The following SP140 variants were observed in gnomAD, a reference collection of about 807,000 sequenced individuals.
SP140 encodes SP140 nuclear body protein.
A neutral mutation model predicts 125.0 loss-of-function variants in SP140; 81 were observed. The ratio of observed to expected loss-of-function variants is 0.65; its 90% confidence interval spans 0.54 to 0.78. The LOEUF (loss-of-function observed/expected upper bound fraction) is 0.78, where lower values mean the gene tolerates loss of function less well. SP140 is among the 30% of genes least tolerant of loss of function. The pLI is 0.00. For missense variants in SP140, 858 were observed against 1,037.0 expected (o/e 0.83, Z 2.37); for synonymous variants, 312 against 354.0 (o/e 0.88, Z 1.33).
downstream of SP140, among the ~76,000 whole-genome samples, chr2:230,314,745 A>G (rs933956): frequency 0.77 from 116,820 of 152,154 alleles, 45,557 homozygotes; most frequent in African/African-American, 0.87. Flanking sequence ...TCCTAAGGGG[A>G]ACACTACTAA....
chr2:230,300,000 C>A (rs2058138652), intron 22 of SP140, among the ~76,000 whole-genome samples: 1 of 152,180 alleles, frequency 6.6e-6, no homozygotes, highest in Admixed American at 6.5e-5. Context: ...ACCCTGCCCC[C>A]AGCTGATGGT....
chr2:230,277,113 T>C (rs2054823663), intron 15 of SP140, among the ~76,000 whole-genome samples: 1 of 152,170 alleles, frequency 6.6e-6, no homozygotes, highest in South Asian at 2.1e-4. Flanking sequence ...CAGCAAGATT[T>C]GAGAGGATCT....
intron 11 of SP140, 56 bp downstream of exon 11, chr2:230,253,473 A>T: frequency 1.5e-6 from 2 of 1,339,262 alleles, no homozygotes; most frequent in Non-Finnish European, 2.1e-6. Flanking sequence ...TCCAGTTGGC[A>T]TGGGAAAAAA....
chr2:230,200,806 A>G, upstream of SP140: 1 of 1,127,712 alleles, frequency 8.9e-7, no homozygotes, highest in Non-Finnish European at 1.4e-6. Context: ...AAGTTAAGAA[A>G]TATTGCCTCA....
chr2:230,188,577 G>A, the SP140 span, among the ~76,000 whole-genome samples: 1 of 152,134 alleles, frequency 6.6e-6, no homozygotes, highest in Admixed American at 6.5e-5. Context: ...TTCTCCAGGG[G>A]AATGCATTAG....
Position 230,248,944 on chromosome 2 carries a change from T to A in SP140, c.952T>A (p.Cys318Ser). The A allele has an allele frequency of 6.2e-7, 1 of 1,611,864 alleles. No homozygotes were observed. Among genetic ancestry groups the A allele is most frequent in the Non-Finnish European group, 8.5e-7 (1 of 1,178,000 alleles). ...TGAAGGAGAACCAGAGAAGGGGCTC[T>A]GTCTACTACCAGGTGAAGGAGAAGG... Reference protein sequence around the residue: ...TNEGEPEKGLCLLPGEGEEGS... With the variant: ...TNEGEPEKGLSLLPGEGEEGS... Residue 318 changes from cysteine (C) to serine (S), a missense_variant, in exon 9 of 27, where the codon TGT becomes AGT. Cys to Ser is a moderately radical substitution (Grantham distance 112). Transcript: ENST00000392045.
At chr2:230,291,540 C>T (rs978950813) in intron 19 of SP140, among the ~76,000 whole-genome samples, 6 of 152,188 alleles carry the variant, frequency 3.9e-5, no homozygotes, top group African/African-American at 1.4e-4. Context: ...TTCCTGACTG[C>T]CTTCATTCAC....
At chr2:230,196,788 C>A in the SP140 span, among the ~76,000 whole-genome samples, 2 of 151,554 alleles carry the variant, frequency 1.3e-5, no homozygotes, top group Admixed American at 1.3e-4. Context: ...TGAGAACATG[C>A]AGTGTTTGGT....
chr2:230,238,426 A>T, intron 3 of SP140, 45 bp downstream of exon 3: 5 of 1,507,632 alleles, frequency 3.3e-6, no homozygotes, highest in Non-Finnish European at 4.5e-6. Context: ...AGCCCATTTC[A>T]TTCATTGATT....
upstream of SP140, among the ~76,000 whole-genome samples, chr2:230,224,782 A>G (rs1004572505): frequency 6.6e-6 from 1 of 152,146 alleles, no homozygotes; most frequent in Non-Finnish European, 1.5e-5. Context: ...TTCAATCCTC[A>G]CTACTGTTCT....
At chr2:230,312,495 TA>T in intron 26 of SP140, 90 bp from the exon 27 acceptor site, 8 of 787,456 alleles carry the variant, frequency 1.0e-5, no homozygotes, top group East Asian at 2.8e-5. Context: ...CTTTTTTTTT[TA>T]AAGACAAGAG....
chr2:230,305,787 G>T (rs2058705936), intron 22 of SP140, among the ~76,000 whole-genome samples: 1 of 152,212 alleles, frequency 6.6e-6, no homozygotes, highest in Admixed American at 6.5e-5. Context: ...CCTGCCCACA[G>T]CGCCAGGTTC....
At chr2:230,278,056 A>G (rs918818333) in intron 15 of SP140, among the ~76,000 whole-genome samples, 1 of 152,106 alleles carries the variant, frequency 6.6e-6, no homozygotes, top group Non-Finnish European at 1.5e-5. Context: ...AGGAACCTCC[A>G]TACTGTTTTC....
chr2:230,274,955 AC>A (rs1054701488), intron 15 of SP140, among the ~76,000 whole-genome samples: 1 of 152,184 alleles, frequency 6.6e-6, no homozygotes, highest in Non-Finnish European at 1.5e-5. Flanking sequence ...TATCTTGCCA[AC>A]TTAACTGTAA....
upstream of SP140, among the ~76,000 whole-genome samples, chr2:230,201,831 T>C (rs2148856203): frequency 6.6e-6 from 1 of 152,372 alleles, no homozygotes. Flanking sequence ...TTGATATGGT[T>C]TCAAATTTTA....
chr2:230,245,825 C>CTGCCAATT, intron 6 of SP140, 38 bp from the exon 7 acceptor site: 1 of 1,376,936 alleles, frequency 7.3e-7, no homozygotes, highest in African/African-American at 1.4e-5. Flanking sequence ...GTCCAGGTCA[C>CTGCCAATT]TGCCAATTGT....
chr2:230,250,986 A>C lies in SP140; in HGVS notation c.982A>C (p.Ser328Arg), dbSNP rs978109531. 1.9e-6 allele frequency: 3 copies of C among 1,613,652 alleles called. No homozygotes were observed. The African/African-American group carries it at 4.0e-5, about 22-fold the overall frequency. ...CLLPGEGEEG[S>R]DDCSEMCDGE... is the part of the protein sequence containing the mutation. The stretch of plus-strand genomic sequence containing the variant: ...GATTTCTTTTCTTTCTGCAGAGGGC[A>C]GTGATGACTGTTCAGAAATGTGTGA... Residue 328 changes from serine to arginine, a missense_variant, in exon 10 of 27, where the codon AGT (serine) becomes CGT (arginine). Coordinates refer to ENST00000392045, the MANE Select transcript of SP140 (RefSeq NM_007237.5).
At position 230,237,333 on chromosome 2, in the gene SP140, C is replaced by G; in HGVS notation, c.237+73C>G. On this transcript the variant is annotated intron_variant, in intron 2 of 26. Coordinates refer to ENST00000392045, the MANE Select transcript of SP140 (RefSeq NM_007237.5). The surrounding 1 kb of genome is among the most constrained non-coding windows in gnomAD (Gnocchi z 5.4). ...ATGCCAAACTTCAAGATGCAATGAG[C>G]AGGCTAAAGGGCCTCCTGTGAGTGG... 7.1e-7 allele frequency: 1 copy of G among 1,417,098 alleles called. No homozygotes were observed. The highest frequency in any genetic ancestry group is 9.8e-7 in the Non-Finnish European group (1 of 1,020,136). The allele number at this position is 1,417,098 out of a possible 1,614,324, so 87.8% of individuals were successfully genotyped here. A position where few individuals can be genotyped will look rare whatever the true frequency, so the allele number is the denominator to read the frequency against.
chr2:230,271,491 A>C (rs1252092571), intron 15 of SP140, among the ~76,000 whole-genome samples: 2 of 152,150 alleles, frequency 1.3e-5, no homozygotes, highest in Non-Finnish European at 1.5e-5. Flanking sequence ...AAAAATATGG[A>C]GGTTAACTGT....
Sources: allele counts gnomAD v4.1 joint callset (sites outside exome capture counted in the v4.1 genomes callset), GRCh38; gene constraint gnomAD v4.1.1; non-coding constraint Gnocchi (gnomAD v3.1); transcripts MANE v1.5; gene names NCBI Gene and HGNC (gene_info 2026-07-23, HGNC 2026-07-21).